The following HEMK2 variants were observed in gnomAD, a reference collection of about 807,000 sequenced individuals.
HEMK2 encodes the protein methyltransferase HEMK2.
the HEMK2 span, among the ~76,000 whole-genome samples, chr21:28,719,760 A>T: frequency 1.1e-3 from 167 of 152,362 alleles, no homozygotes; most frequent in African/African-American, 3.4e-3. Flanking sequence ...AAATACACGG[A>T]AAGCATCTCT....
the HEMK2 span, among the ~76,000 whole-genome samples, chr21:28,640,194 G>C: frequency 6.6e-6 from 1 of 152,186 alleles, no homozygotes; most frequent in Non-Finnish European, 1.5e-5. Flanking sequence ...TGAGAGTTCC[G>C]AACAGTGTGG....
At chr21:28,719,291 C>G in the HEMK2 span, among the ~76,000 whole-genome samples, 5 of 152,154 alleles carry the variant, frequency 3.3e-5, no homozygotes, top group African/African-American at 9.7e-5. Context: ...AGTCCCCACC[C>G]AAATCTCACC....
the HEMK2 span, among the ~76,000 whole-genome samples, chr21:28,582,515 G>A: frequency 1.3e-5 from 2 of 152,124 alleles, no homozygotes; most frequent in African/African-American, 4.8e-5. Flanking sequence ...TAAGACAGAG[G>A]AGTCACCCTC....
chr21:28,750,173 G>A, the HEMK2 span, among the ~76,000 whole-genome samples: 1 of 152,224 alleles, frequency 6.6e-6, no homozygotes, highest in African/African-American at 2.4e-5. Context: ...GCATATATTA[G>A]GTTAAATTAA....
chr21:28,585,062 T>C, the HEMK2 span, among the ~76,000 whole-genome samples: 1 of 152,116 alleles, frequency 6.6e-6, no homozygotes, highest in Non-Finnish European at 1.5e-5. Context: ...CTCACAACTT[T>C]CTTAAAAATC....
the HEMK2 span, among the ~76,000 whole-genome samples, chr21:28,666,561 A>G: frequency 6.6e-6 from 1 of 152,156 alleles, no homozygotes. Flanking sequence ...GAGAGACATG[A>G]ATGATTAGAT....
the HEMK2 span, among the ~76,000 whole-genome samples, chr21:28,829,751 C>T: frequency 1.3e-5 from 2 of 152,128 alleles, no homozygotes; most frequent in African/African-American, 4.8e-5. Flanking sequence ...GAGGTATTTT[C>T]CCTAGACCAA....
chr21:28,611,065 C>CAGA, the HEMK2 span, among the ~76,000 whole-genome samples: 1 of 152,166 alleles, frequency 6.6e-6, no homozygotes, highest in African/African-American at 2.4e-5. Flanking sequence ...CAGATATTTA[C>CAGA]AGAACATTCT....
the HEMK2 span, among the ~76,000 whole-genome samples, chr21:28,755,853 C>G: frequency 6.6e-6 from 1 of 152,194 alleles, no homozygotes; most frequent in African/African-American, 2.4e-5. Context: ...CAGTCTCTCT[C>G]TTATACCCAG....
the HEMK2 span, among the ~76,000 whole-genome samples, chr21:28,687,001 T>G: frequency 6.6e-6 from 1 of 152,120 alleles, no homozygotes; most frequent in Admixed American, 6.6e-5. Flanking sequence ...GAAACCCAAA[T>G]TTGGAATTGA....
the HEMK2 span, among the ~76,000 whole-genome samples, chr21:28,605,499 G>C: frequency 6.6e-6 from 1 of 152,236 alleles, no homozygotes; most frequent in South Asian, 2.1e-4. Context: ...TAAGAATAAA[G>C]GCCATGGCAA....
chr21:28,859,513 A>G, the HEMK2 span, among the ~76,000 whole-genome samples: 17,203 of 152,198 alleles, frequency 0.11, 1,509 homozygotes, highest in African/African-American at 0.24. Flanking sequence ...TCTTTTAACC[A>G]CTGCCTTAAG....
chr21:28,632,619 C>T, the HEMK2 span, among the ~76,000 whole-genome samples: 53,278 of 151,944 alleles, frequency 0.35, 9,580 homozygotes, highest in African/African-American at 0.42. Flanking sequence ...TCAACATTAC[C>T]AAGTCTGTTT....
At chr21:28,831,479 G>GA in the HEMK2 span, among the ~76,000 whole-genome samples, 172 of 40,344 alleles carry the variant, frequency 4.3e-3, 4 homozygotes, top group African/African-American at 0.017. Flanking sequence ...AAGAAAGAAA[G>GA]AAAGAAAGAA....
At chr21:28,625,559 A>T in the HEMK2 span, among the ~76,000 whole-genome samples, 5 of 152,170 alleles carry the variant, frequency 3.3e-5, no homozygotes, top group African/African-American at 9.6e-5. Flanking sequence ...GTCTGTACTA[A>T]AAGTACAAAA....
At chr21:28,763,033 A>G in the HEMK2 span, among the ~76,000 whole-genome samples, 16,867 of 152,080 alleles carry the variant, frequency 0.11, 1,515 homozygotes, top group African/African-American at 0.23. Flanking sequence ...TGTGACTCCT[A>G]TTGCCTCAGG....
At chr21:28,657,752 C>G in the HEMK2 span, among the ~76,000 whole-genome samples, 10 of 152,010 alleles carry the variant, frequency 6.6e-5, no homozygotes, top group Non-Finnish European at 1.5e-4. Flanking sequence ...GCAACCCAAA[C>G]CTTTAAGGCT....
chr21:28,651,714 C>T, the HEMK2 span, among the ~76,000 whole-genome samples: 1 of 152,154 alleles, frequency 6.6e-6, no homozygotes, highest in Non-Finnish European at 1.5e-5. Context: ...CTCTCTATAT[C>T]AACCACCTCA....
chr21:28,866,537 A>G, the HEMK2 span, among the ~76,000 whole-genome samples: 1 of 152,074 alleles, frequency 6.6e-6, no homozygotes, highest in Non-Finnish European at 1.5e-5. Context: ...CTCAAAATAC[A>G]CGAATTAGCC....
Sources: allele counts gnomAD v4.1 joint callset (sites outside exome capture counted in the v4.1 genomes callset), GRCh38; gene constraint gnomAD v4.1.1; transcripts MANE v1.5; gene names NCBI Gene and HGNC (gene_info 2026-07-23, HGNC 2026-07-21).